The following TENM3 variants were observed in gnomAD, a reference collection of about 807,000 sequenced individuals.
TENM3 encodes teneurin-3.
A neutral mutation model predicts 255.1 loss-of-function variants in TENM3; 63 were observed. The ratio of observed to expected loss-of-function variants is 0.25; its 90% CI spans 0.20 to 0.30. The LOEUF is 0.30. Among genes scored for constraint, TENM3 ranks in the 10% least tolerant of loss-of-function variants. TENM3 has a pLI of 1.00. For missense variants in TENM3, 2,929 were observed against 3,461.1 expected, an observed-to-expected ratio of 0.85 and a Z score of 3.86; for synonymous variants, 1,306 against 1,322.3, an observed-to-expected ratio of 0.99 and a Z score of 0.27.
the TENM3 span, among the ~76,000 whole-genome samples, chr4:181,856,589 G>A: frequency 3.9e-5 from 6 of 152,220 alleles, no homozygotes; most frequent in East Asian, 9.7e-4. Context: ...CAATAGTGCC[G>A]AATTGTTTCT....
the TENM3 span, among the ~76,000 whole-genome samples, chr4:181,778,369 T>C: frequency 1.8e-4 from 28 of 152,212 alleles, no homozygotes; most frequent in African/African-American, 6.8e-4. Context: ...AAATGTACAA[T>C]GTTGGTAACT....
At chr4:182,546,040 G>C (rs1741411140) in intron 3 of TENM3, among the ~76,000 whole-genome samples, 1 of 152,176 alleles carries the variant, frequency 6.6e-6, no homozygotes, top group African/African-American at 2.4e-5. Context: ...CTAGAGAAGG[G>C]ACAATGTTAT....
intron 1 of TENM3, among the ~76,000 whole-genome samples, chr4:182,288,890 TG>T (rs1760921031): frequency 6.6e-6 from 1 of 152,148 alleles, no homozygotes; most frequent in Non-Finnish European, 1.5e-5. Flanking sequence ...GGTCGGGGGC[TG>T]GAAATGTGCT....
the TENM3 span, among the ~76,000 whole-genome samples, chr4:181,688,761 G>A: frequency 1.3e-5 from 2 of 152,262 alleles, no homozygotes; most frequent in African/African-American, 4.8e-5. Context: ...AGGAGAAACT[G>A]CAACAGTCGG....
chr4:182,412,210 G>C (rs1176553584), intron 3 of TENM3, among the ~76,000 whole-genome samples: 1 of 152,136 alleles, frequency 6.6e-6, no homozygotes, highest in African/African-American at 2.4e-5. Flanking sequence ...CTTGAGTGCA[G>C]ATACTTCCAG....
intron 4 of TENM3, among the ~76,000 whole-genome samples, chr4:182,626,758 T>A (rs1750853622): frequency 6.6e-6 from 1 of 152,204 alleles, no homozygotes; most frequent in Non-Finnish European, 1.5e-5. Context: ...GATGGGCTCA[T>A]AATACAGTCG....
At chr4:182,352,152 T>A (rs755625714) in intron 3 of TENM3, among the ~76,000 whole-genome samples, 3 of 150,788 alleles carry the variant, frequency 2.0e-5, no homozygotes, top group Non-Finnish European at 4.4e-5. Flanking sequence ...ATTCATCAAG[T>A]GTTCTGGCAA....
At chr4:182,013,819 T>C in the TENM3 span, among the ~76,000 whole-genome samples, 9 of 151,514 alleles carry the variant, frequency 5.9e-5, no homozygotes, top group South Asian at 1.5e-3. Flanking sequence ...ATATAATATA[T>C]AGAGAACTAT....
intron 1 of TENM3, among the ~76,000 whole-genome samples, chr4:182,298,028 G>A (rs976409233): frequency 6.6e-6 from 1 of 152,188 alleles, no homozygotes; most frequent in African/African-American, 2.4e-5. Context: ...GTACCCAGGG[G>A]TGCATCTTAC....
the TENM3 span, among the ~76,000 whole-genome samples, chr4:181,590,910 T>C: frequency 1.3e-5 from 2 of 152,232 alleles, no homozygotes; most frequent in Non-Finnish European, 2.9e-5. Context: ...ATGGATATGA[T>C]AGGAATACAC....
At chr4:182,641,532 GTT>G (rs33982626) in intron 5 of TENM3, among the ~76,000 whole-genome samples, 2 of 142,206 alleles carry the variant, frequency 1.4e-5, no homozygotes, top group Non-Finnish European at 1.5e-5. Context: ...TTTTTTTGTT[GTT>G]TTTTTTTTTT....
the TENM3 span, among the ~76,000 whole-genome samples, chr4:182,073,949 A>T: frequency 6.6e-6 from 1 of 152,220 alleles, no homozygotes; most frequent in Admixed American, 6.5e-5. Flanking sequence ...CAGACAAGGC[A>T]GGAAGAAGTT....
the TENM3 span, among the ~76,000 whole-genome samples, chr4:181,709,518 G>A: frequency 1.3e-5 from 2 of 152,248 alleles, no homozygotes; most frequent in African/African-American, 4.8e-5. Context: ...ACTGAGTAAT[G>A]TGAGGGAGGC....
the TENM3 span, among the ~76,000 whole-genome samples, chr4:181,550,071 G>C: frequency 6.6e-6 from 1 of 152,048 alleles, no homozygotes; most frequent in Non-Finnish European, 1.5e-5. Flanking sequence ...ACTTCCAATT[G>C]ACTAAAAAAT....
At chr4:181,637,510 G>A in the TENM3 span, among the ~76,000 whole-genome samples, 2 of 152,196 alleles carry the variant, frequency 1.3e-5, no homozygotes, top group Non-Finnish European at 2.9e-5. Flanking sequence ...ACGTGAAGGA[G>A]ACCTGGAAAT....
chr4:182,299,095 G>A (rs566983213), intron 1 of TENM3, among the ~76,000 whole-genome samples: 1 of 149,790 alleles, frequency 6.7e-6, no homozygotes, highest in South Asian at 2.1e-4. Flanking sequence ...TGAAACCACT[G>A]GCTGGGGCTT....
chr4:181,870,143 T>C, the TENM3 span, among the ~76,000 whole-genome samples: 1 of 152,162 alleles, frequency 6.6e-6, no homozygotes, highest in Admixed American at 6.6e-5. Flanking sequence ...ATACCTGTTG[T>C]TGAGTATGAC....
intron 20 of TENM3, among the ~76,000 whole-genome samples, chr4:182,752,342 C>A (rs1257502966): frequency 2.6e-5 from 4 of 152,124 alleles, no homozygotes; most frequent in African/African-American, 9.7e-5. Context: ...TCCTGTTCAA[C>A]TTCAAGGAAG....
At chr4:182,051,930 T>C in the TENM3 span, among the ~76,000 whole-genome samples, 1 of 152,152 alleles carries the variant, frequency 6.6e-6, no homozygotes, top group Non-Finnish European at 1.5e-5. Flanking sequence ...TTTATCTGTA[T>C]AGCTCGGTGT....
Sources: gnomAD v4.1 joint callset for allele counts (sites outside exome capture counted in the v4.1 genomes callset) on GRCh38, gnomAD v4.1.1 for gene constraint, MANE v1.5 for transcripts, NCBI Gene and HGNC (gene_info 2026-07-23, HGNC 2026-07-21) for gene names.